Variants in NCKAP5 observed in about 807,000 individuals in gnomAD.
NCKAP5 encodes NCK associated protein 5, also known as nck-associated protein 5.
NCKAP5 carries 92 observed loss-of-function variants against 167.0 expected under a neutral mutation model. The observed-to-expected ratio is 0.55, with a 90% CI of 0.47 to 0.66. The LOEUF (loss-of-function observed/expected upper bound fraction) is 0.66. Among genes scored for constraint, NCKAP5 ranks in the 30% least tolerant of loss-of-function variants. NCKAP5 has a pLI of 0.00. For synonymous variants in NCKAP5, 891 were observed against 877.4 expected (o/e 1.02, Z -0.27); for missense variants, 2,378 against 2,315.0 (o/e 1.03, Z -0.56).
At chr2:133,263,313 A>C (rs931626231) in intron 4 of NCKAP5, among the ~76,000 whole-genome samples, 2 of 152,018 alleles carry the variant, frequency 1.3e-5, no homozygotes, top group African/African-American at 2.4e-5. Flanking sequence ...TACATGTCTA[A>C]AACTTGCCAC....
At chr2:132,920,535 G>T (rs554968348) in intron 8 of NCKAP5, among the ~76,000 whole-genome samples, 1 of 150,360 alleles carries the variant, frequency 6.7e-6, no homozygotes, top group African/African-American at 2.5e-5. Context: ...AATTAAGAAA[G>T]TTCCTGTAAG....
intron 1 of NCKAP5, among the ~76,000 whole-genome samples, chr2:133,567,982 C>T (rs938487980): frequency 2.0e-5 from 3 of 152,200 alleles, no homozygotes; most frequent in Non-Finnish European, 4.4e-5. Flanking sequence ...CATTCAGTAT[C>T]TCCTTATCAT....
chr2:132,926,883 C>T (rs754104330), intron 8 of NCKAP5, among the ~76,000 whole-genome samples: 2 of 152,020 alleles, frequency 1.3e-5, no homozygotes, highest in African/African-American at 2.4e-5. Flanking sequence ...TTATTAAGTC[C>T]CATCTGTCAA....
intron 19 of NCKAP5, among the ~76,000 whole-genome samples, chr2:132,702,386 T>C (rs1687972072): frequency 1.3e-5 from 2 of 152,106 alleles, no homozygotes; most frequent in African/African-American, 2.4e-5. Flanking sequence ...GAAGATATTT[T>C]AGGTGATCAG....
At chr2:133,664,124 G>A in the NCKAP5 span, among the ~76,000 whole-genome samples, 1 of 152,126 alleles carries the variant, frequency 6.6e-6, no homozygotes, top group African/African-American at 2.4e-5. Context: ...GTGACCAGGT[G>A]CACTGGTGAT....
intron 3 of NCKAP5, among the ~76,000 whole-genome samples, chr2:133,400,739 A>G (rs1399605268): frequency 6.6e-6 from 1 of 152,214 alleles, no homozygotes; most frequent in African/African-American, 2.4e-5. Flanking sequence ...AACTAATACA[A>G]TGATTAAATG....
In NCKAP5 at chr2:132,790,062, G is replaced by A. The variant is rs1230626272; in HGVS notation, c.1053C>T (p.Ser351=). Residue 351 remains serine (S), a synonymous_variant, in exon 13 of 20, where the codon TCC becomes TCT. Transcript: ENST00000409261. Reference sequence around the variant, plus strand: ...TCTTCCCATCGTGCCACGTGTAGGAGGAGCCACTGGAGTACTCGCTGCAGG... The same window carrying A: ...TCTTCCCATCGTGCCACGTGTAGGAAGAGCCACTGGAGTACTCGCTGCAGG... ...SSTCSEYSSG[S]SYTWHDGKNL... is the part of the protein sequence containing the mutation. The A allele has an allele frequency of 6.2e-7, 1 of 1,613,226 alleles. No individual in the cohort carries two copies. The highest frequency in any genetic ancestry group is 8.5e-7 in the Non-Finnish European group (1 of 1,179,532).
At chr2:133,547,283 C>A (rs929278699) in intron 2 of NCKAP5, among the ~76,000 whole-genome samples, 1 of 152,136 alleles carries the variant, frequency 6.6e-6, no homozygotes, top group African/African-American at 2.4e-5. Context: ...AACTGCAAGG[C>A]GGCAGAGAGG....
chr2:132,834,321 C>T (rs79437751), intron 11 of NCKAP5, among the ~76,000 whole-genome samples: 192 of 152,116 alleles, frequency 1.3e-3, no homozygotes, highest in South Asian at 2.1e-3. Context: ...CTCAGCCTCC[C>T]GAGTAATTTT....
chr2:133,637,636 GGACA>G, the NCKAP5 span, among the ~76,000 whole-genome samples: 3 of 126,578 alleles, frequency 2.4e-5, no homozygotes, highest in Non-Finnish European at 3.6e-5. Flanking sequence ...AAAGCAAATT[GGACA>G]GACTATGAAA....
intron 13 of NCKAP5, among the ~76,000 whole-genome samples, chr2:132,787,280 G>A (rs999226991): frequency 2.0e-5 from 3 of 151,378 alleles, no homozygotes; most frequent in East Asian, 1.9e-4. Context: ...CCTGGGAGGC[G>A]GACATTGCAG....
chr2:132,884,285 C>T (rs1414643107), intron 8 of NCKAP5, among the ~76,000 whole-genome samples: 1 of 152,172 alleles, frequency 6.6e-6, no homozygotes, highest in Non-Finnish European at 1.5e-5. Context: ...ATTGGTTATT[C>T]CCAGACTGTT....
intron 16 of NCKAP5, among the ~76,000 whole-genome samples, chr2:132,733,160 T>C (rs1233862384): frequency 6.6e-6 from 1 of 152,102 alleles, no homozygotes; most frequent in Non-Finnish European, 1.5e-5. Context: ...TCTGGAATGG[T>C]GGTGTGGTTT....
At chr2:133,086,716 G>T (rs2081004797) in intron 6 of NCKAP5, among the ~76,000 whole-genome samples, 1 of 152,048 alleles carries the variant, frequency 6.6e-6, no homozygotes, top group African/African-American at 2.4e-5. Context: ...TACCAGTAGA[G>T]AGATCATACA....
At chr2:133,404,078 T>G (rs1177693104) in intron 3 of NCKAP5, among the ~76,000 whole-genome samples, 1 of 152,170 alleles carries the variant, frequency 6.6e-6, no homozygotes, top group East Asian at 1.9e-4. Context: ...ACCCCAGCTA[T>G]AGTGTCTCAG....
chr2:133,508,685 C>A (rs1406344137), intron 3 of NCKAP5, among the ~76,000 whole-genome samples: 1 of 152,142 alleles, frequency 6.6e-6, no homozygotes, highest in Non-Finnish European at 1.5e-5. Flanking sequence ...AGAGAGTCTG[C>A]CATGGGAACG....
At chr2:132,814,804 T>G (rs1411155381) in intron 11 of NCKAP5, among the ~76,000 whole-genome samples, 1 of 152,176 alleles carries the variant, frequency 6.6e-6, no homozygotes, top group Non-Finnish European at 1.5e-5. Context: ...AAGTTACAAG[T>G]GCATCAGAAA....
intron 11 of NCKAP5, among the ~76,000 whole-genome samples, chr2:132,844,372 G>A (rs1007662340): frequency 6.6e-6 from 1 of 151,904 alleles, no homozygotes; most frequent in African/African-American, 2.4e-5. Flanking sequence ...CTCTTACTTG[G>A]CCACCCCTCA....
intron 12 of NCKAP5, among the ~76,000 whole-genome samples, chr2:132,794,249 TATATATATATATATAGAGAGAGAG>T (rs1488304329): frequency 5.5e-4 from 33 of 60,298 alleles, no homozygotes; most frequent in African/African-American, 2.2e-3. Flanking sequence ...TATATATATA[TATATATATATATATAGAGAGAGAG>T]AGAGAGAGAG....
Sources: gnomAD v4.1 joint callset for allele counts (sites outside exome capture counted in the v4.1 genomes callset) on GRCh38, gnomAD v4.1.1 for gene constraint, MANE v1.5 for transcripts, NCBI Gene and HGNC (gene_info 2026-07-23, HGNC 2026-07-21) for gene names.